Variants in RRP7A observed in about 807,000 individuals in gnomAD.
The protein encoded by RRP7A is ribosomal RNA processing 7 homolog A, also known as ribosomal RNA-processing protein 7 homolog A.
A neutral mutation model predicts 38.4 loss-of-function variants in RRP7A; 27 were observed. The observed-to-expected ratio is 0.70, with a 90% confidence interval of 0.52 to 0.97. The LOEUF is 0.97. Among genes scored for constraint, RRP7A ranks in the 50% least tolerant of loss-of-function variants. The pLI is 0.00. For missense variants in RRP7A, 327 were observed against 375.4 expected, an observed-to-expected ratio of 0.87 and a Z score of 1.07; for synonymous variants, 124 against 150.3, an observed-to-expected ratio of 0.83 and a Z score of 1.28.
In RRP7A at chr22:42,519,620, C is replaced by G. The variant is rs1450308950; in HGVS notation, c.73+94G>C. ...CCACCGGGGCTCACACCCAACCGTG[C>G]GGCCGCTCCTGGGGACCCCCGGCCG... On this transcript the variant is annotated intron_variant, in intron 1 of 6. Transcript: ENST00000323013. 2.2e-5 allele frequency: 24 copies of G among 1,098,418 alleles called. No homozygotes were observed. The Middle Eastern group carries it at 9.1e-4, about 42-fold the overall frequency. 68.0% of individuals were successfully genotyped at this position (1,098,418 alleles called of 1,614,324 possible).
At chr22:42,513,844 C>T (rs1252639693) in intron 6 of RRP7A, among the ~76,000 whole-genome samples, 4 of 152,160 alleles carry the variant, frequency 2.6e-5, no homozygotes, top group Non-Finnish European at 4.4e-5. Flanking sequence ...TGCACAGGGA[C>T]CCAGAGGTGG....
chr22:42,510,735 G>C lies in RRP7A; in HGVS notation c.*2175C>G, dbSNP rs1208513264. The C allele has an allele frequency of 6.7e-7, 1 of 1,501,564 alleles. No homozygotes were observed. The allele number at this position is 1,501,564 out of a possible 1,614,324, so 93.0% of individuals were successfully genotyped here. A position where few individuals can be genotyped will look rare whatever the true frequency, so the allele number is the denominator to read the frequency against. ...TCCACCCTCAAAGAGGTAAGGCGGG[G>C]CTCAGGCAGCTGGTGTCCAGCCACT... On this transcript the variant is annotated 3_prime_UTR_variant, in exon 7 of 7. Coordinates refer to ENST00000323013, the MANE Select transcript of RRP7A (RefSeq NM_015703.5).
chr22:42,514,538 C>A (rs150003876), intron 5 of RRP7A, 144 bp downstream of exon 5: 8,703 of 832,130 alleles, frequency 0.01, 100 homozygotes, highest in Non-Finnish European at 9.5e-3. Flanking sequence ...CCCAGCCAGG[C>A]AGCCCAGGAT....
intron 2 of RRP7A, 98 bp downstream of exon 2, chr22:42,517,907 C>A: frequency 1.4e-6 from 2 of 1,394,976 alleles, no homozygotes; most frequent in Non-Finnish European, 2.0e-6. Context: ...CTGGGGCTCC[C>A]ATTAGCTGTG....
In RRP7A at chr22:42,508,711, A is replaced by C. The variant is rs397839819; in HGVS notation, c.*4199T>G. 1.3e-5 allele frequency among the ~76,000 whole-genome samples: 2 copies of C among 152,238 alleles called. No homozygotes were observed. The highest frequency in any genetic ancestry group is 2.9e-5 in the Non-Finnish European group (2 of 68,032). On this transcript the variant is annotated 3_prime_UTR_variant, in exon 7 of 7. Transcript: ENST00000323013. The stretch of plus-strand genomic sequence containing the variant: ...ACCTAAGTCCTAAAATCCAGGCCCA[A>C]AAGTGGCCCAACTCACTTCTCTGAC...
chr22:42,513,099 A>G lies in RRP7A; in HGVS notation c.758-104T>C, dbSNP rs569919912. 21 of 934,562 alleles carry G rather than the reference A, an allele frequency of 2.2e-5. No homozygotes were observed. The East Asian group carries it at 5.0e-4, about 22-fold the overall frequency. The allele number at this position is 934,562 out of a possible 1,614,324, so 57.9% of individuals were successfully genotyped here. A position where few individuals can be genotyped will look rare whatever the true frequency, so the allele number is the denominator to read the frequency against. ...TCCCAGTTACTGTGGGGGTGGGGCTATGTCTCCCCCACCAGCCCATCCCCC... is the reference window on the plus strand; with the variant it reads ...TCCCAGTTACTGTGGGGGTGGGGCTGTGTCTCCCCCACCAGCCCATCCCCC... On this transcript the variant is annotated intron_variant, in intron 6 of 6. Transcript: ENST00000323013.
rs367706570 is a variant in RRP7A at position 42,516,082 on chromosome 22, G to T, written c.271C>A (p.Gln91Lys). 100 of 1,613,564 alleles carry T rather than the reference G, an allele frequency of 6.2e-5. 1 individual carries two copies. The South Asian group carries it at 6.6e-4, about 11-fold the overall frequency. The change falls in exon 3 of 7, where the codon CAG (glutamine) becomes AAG (lysine). Residue 91 changes from glutamine (Q) to lysine (K), a missense_variant. By Grantham distance (53) the Gln-to-Lys change is moderately conservative (BLOSUM62 1). This residue lies in a region of RRP7A where 183 missense variants were observed against 141.8 expected (regional missense o/e 1.29). Coordinates refer to ENST00000323013, the MANE Select transcript of RRP7A (RefSeq NM_015703.5). Reference protein sequence around the residue: ...TCGLVQSVELQEKPDLAESPK... With the variant: ...TCGLVQSVELKEKPDLAESPK... ...CTCTCAGCCAGGTCCGGCTTCTCCT[G>T]CAACTCTACAGACTGGACGAGGCCA...
intron 1 of RRP7A, among the ~76,000 whole-genome samples, chr22:42,519,432 G>T (rs1020709572): frequency 6.6e-6 from 1 of 152,196 alleles, no homozygotes; most frequent in Non-Finnish European, 1.5e-5. Flanking sequence ...GGGTGTGGAC[G>T]GAAATGGGTT....
At position 42,514,280 on chromosome 22, in the gene RRP7A, C is replaced by G; in HGVS notation, c.583G>C (p.Glu195Gln). The change falls in exon 6 of 7, where the codon GAG becomes CAG. Residue 195 changes from glutamate (E) to glutamine (Q), a missense_variant. By Grantham distance (29) the Glu-to-Gln change is conservative. Around this residue, in one of 5 missense-constraint regions of RRP7A, gnomAD observed 46 missense variants for 93.0 expected, o/e 0.49. Coordinates refer to ENST00000323013, the MANE Select transcript of RRP7A (RefSeq NM_015703.5). ...AEEEAKAKEE[E>Q]GVPDEEGWVK... Reference sequence around the variant, plus strand: ...CAGCCCTCCTCGTCAGGGACCCCCTCCTCCTCCTTGGCCTTAGCTTCTTCC... The same window carrying G: ...CAGCCCTCCTCGTCAGGGACCCCCTGCTCCTCCTTGGCCTTAGCTTCTTCC... 6.3e-7 allele frequency: 1 copy of G among 1,594,468 alleles called. No individual in the cohort carries two copies. The highest frequency in any genetic ancestry group is 8.6e-7 in the Non-Finnish European group (1 of 1,169,374).
intron 6 of RRP7A, among the ~76,000 whole-genome samples, chr22:42,513,713 A>C (rs1385862876): frequency 2.1e-5 from 3 of 142,776 alleles, no homozygotes; most frequent in Non-Finnish European, 4.6e-5. Context: ...ACACACACAC[A>C]CCCACCACCA....
In RRP7A at chr22:42,510,915, T is replaced by C. The variant is rs1403803463; in HGVS notation, c.*1995A>G. ...GGCCTGGGGACACATGTAATCAGAATTTAAGAAACAGAGACCTTTGGTGGG... is the reference window on the plus strand; with the variant it reads ...GGCCTGGGGACACATGTAATCAGAACTTAAGAAACAGAGACCTTTGGTGGG... On this transcript the variant is annotated 3_prime_UTR_variant, in exon 7 of 7. Transcript: ENST00000323013. 1 of 537,524 alleles carries C rather than the reference T, an allele frequency of 1.9e-6. No homozygotes were observed. Among genetic ancestry groups the C allele is most frequent in the Non-Finnish European group, 2.5e-6 (1 of 397,720 alleles). The allele number at this position is 537,524 out of a possible 1,614,324, so 33.3% of individuals were successfully genotyped here. A position where few individuals can be genotyped will look rare whatever the true frequency, so the allele number is the denominator to read the frequency against.
Position 42,510,815 on chromosome 22 carries a change from C to G in RRP7A, c.*2095G>C. 1 of 1,280,946 alleles carries G rather than the reference C, an allele frequency of 7.8e-7. No individual in the cohort carries two copies. The highest frequency in any genetic ancestry group is 2.0e-5 in the South Asian group (1 of 50,568). The allele number at this position is 1,280,946 out of a possible 1,614,324, so 79.3% of individuals were successfully genotyped here. ...CTCTTCTCATGCACTGGGAAAGACC[C>G]CTGGTCTGCCCCCAGGCCCAACAAG... On this transcript the variant is annotated 3_prime_UTR_variant, in exon 7 of 7. Transcript: ENST00000323013.
At position 42,514,407 on chromosome 22, in the gene RRP7A, CA is replaced by C. The variant is rs1480726215; in HGVS notation, c.559-104del. The C allele has an allele frequency of 6.3e-6, 5 of 797,478 alleles. No homozygotes were observed. In the East Asian group the frequency reaches 1.1e-4, roughly 17 times the overall value. The allele number at this position is 797,478 out of a possible 1,614,324, so 49.4% of individuals were successfully genotyped here. A position where few individuals can be genotyped will look rare whatever the true frequency, so the allele number is the denominator to read the frequency against. ...AAGTCAGAACTGCCCTGAGCCCCCG[CA>C]GGGGAGGGCTGCTCCCCTCCTCCCA... On this transcript the variant is annotated intron_variant, in intron 5 of 6. Coordinates refer to ENST00000323013, the MANE Select transcript of RRP7A (RefSeq NM_015703.5).
chr22:42,517,891 T>G, intron 2 of RRP7A, 114 bp downstream of exon 2: 1 of 1,241,704 alleles, frequency 8.1e-7, no homozygotes, highest in Non-Finnish European at 1.1e-6. Context: ...CTCCTGACAC[T>G]CTCCTCTGGG....
At chr22:42,513,112 C>T in intron 6 of RRP7A, 117 bp from the exon 7 acceptor site, 1 of 811,000 alleles carries the variant, frequency 1.2e-6, no homozygotes, top group South Asian at 1.4e-5. Flanking sequence ...TCTCCCCCAC[C>T]AGCCCATCCC....
At chr22:42,516,470 A>C in intron 2 of RRP7A, 1 of 385,490 alleles carries the variant, frequency 2.6e-6, no homozygotes, top group Non-Finnish European at 5.1e-6. Context: ...CCACCACCAC[A>C]CGTGGCTAAT....
chr22:42,517,560 C>T (rs1415285377), intron 2 of RRP7A, among the ~76,000 whole-genome samples: 1 of 152,012 alleles, frequency 6.6e-6, no homozygotes, highest in Non-Finnish European at 1.5e-5. Flanking sequence ...CACTCTGTTG[C>T]CCAGGCTGGA....
At chr22:42,516,723 T>C (rs1194137867) in intron 2 of RRP7A, among the ~76,000 whole-genome samples, 1 of 152,158 alleles carries the variant, frequency 6.6e-6, no homozygotes, top group Non-Finnish European at 1.5e-5. Flanking sequence ...GCTATGACAG[T>C]TGGGATGGTG....
In RRP7A at chr22:42,510,685, G is replaced by GTCGT. The variant is rs1932430206; in HGVS notation, c.*2221_*2224dup. ...AGAATTACTCTGACAAGGAGTCCCT[G>GTCGT]TCGTTCATGATAGACACAATGAAAT... On this transcript the variant is annotated 3_prime_UTR_variant, in exon 7 of 7. Transcript: ENST00000323013. 6.8e-7 allele frequency: 1 copy of GTCGT among 1,464,348 alleles called. No homozygotes were observed. Among genetic ancestry groups the GTCGT allele is most frequent in the African/African-American group, 1.4e-5 (1 of 70,808 alleles). The allele number at this position is 1,464,348 out of a possible 1,614,324, so 90.7% of individuals were successfully genotyped here.
Sources: gnomAD v4.1 joint callset for allele counts (sites outside exome capture counted in the v4.1 genomes callset) on GRCh38, gnomAD v4.1.1 for gene constraint, gnomAD v4.1.1 regional missense constraint, MANE v1.5 for transcripts, NCBI Gene and HGNC (gene_info 2026-07-23, HGNC 2026-07-21) for gene names.